Variants in REST observed in about 807,000 individuals in gnomAD.
REST encodes the protein RE1 silencing transcription factor.
Under a neutral mutation model 30.4 loss-of-function variants are expected in REST, and 1 was observed. The observed-to-expected ratio is 0.03, with a 90% CI of 0.01 to 0.16. REST has a LOEUF of 0.16. REST is among the 10% of genes least tolerant of loss of function. The pLI, the probability that REST is intolerant of heterozygous loss-of-function variation, is 1.00. For missense variants in REST, 1,259 were observed against 1,329.5 expected, an observed-to-expected ratio of 0.95 and a Z score of 0.82; for synonymous variants, 504 against 451.1, an observed-to-expected ratio of 1.12 and a Z score of -1.49.
At chr4:56,911,939 G>A (rs548739365) in intron 2 of REST, among the ~76,000 whole-genome samples, 2 of 152,226 alleles carry the variant, frequency 1.3e-5, no homozygotes, top group South Asian at 2.1e-4. Flanking sequence ...TCTGGGAAAC[G>A]TGGAAAGACC....
intron 2 of REST, 34 bp downstream of exon 2, chr4:56,911,570 C>G: frequency 6.5e-7 from 1 of 1,543,758 alleles, no homozygotes; most frequent in Non-Finnish European, 8.9e-7. Context: ...AAGTTCAGTT[C>G]TCTTTTCTGA....
chr4:56,924,717 C>T (rs1001359691), intron 3 of REST, among the ~76,000 whole-genome samples: 1 of 151,998 alleles, frequency 6.6e-6, no homozygotes, highest in Non-Finnish European at 1.5e-5. Context: ...CTTGCCTCAC[C>T]CTACCAAAGT....
At position 56,919,746 on chromosome 4, in the gene REST, T is replaced by A. The variant is rs776129363; in HGVS notation, c.899-41T>A. On this transcript the variant is annotated intron_variant, in intron 2 of 3. Coordinates refer to ENST00000309042, the MANE Select transcript of REST (RefSeq NM_005612.5). ...TTAGTGAGAATTGTATTTGGCTATTTCGTGACATTTAAACACTCTTATATT... is the reference window on the plus strand; with the variant it reads ...TTAGTGAGAATTGTATTTGGCTATTACGTGACATTTAAACACTCTTATATT... 19 of 1,219,846 alleles carry A rather than the reference T, an allele frequency of 1.6e-5. No homozygotes were observed. In the East Asian group the frequency reaches 4.0e-4, roughly 25 times the overall value. The allele number at this position is 1,219,846 out of a possible 1,614,324, so 75.6% of individuals were successfully genotyped here. A position where few individuals can be genotyped will look rare whatever the true frequency, so the allele number is the denominator to read the frequency against.
chr4:56,933,121 ACAG>A lies in REST; in HGVS notation c.*971_*973del, dbSNP rs1424629882. On this transcript the variant is annotated 3_prime_UTR_variant, in exon 4 of 4. Transcript: ENST00000309042. ...TATTTCGAATGGATGTAGTAAATTC[ACAG>A]CTATCAGTTTTGATTTTGCAATAAA... 207 of 152,332 alleles carry A rather than the reference ACAG, an allele frequency of 1.4e-3. No individual in the cohort carries two copies. Among genetic ancestry groups the A allele is most frequent in the African/African-American group, 3.8e-3 (158 of 41,578 alleles). 9.4% of individuals were successfully genotyped at this position (152,332 alleles called of 1,614,324 possible).
chr4:56,915,157 A>C (rs1374117235), intron 2 of REST, among the ~76,000 whole-genome samples: 1 of 148,052 alleles, frequency 6.8e-6, no homozygotes, highest in Non-Finnish European at 1.5e-5. Flanking sequence ...TCCCGGCCTC[A>C]AGTGATCCAC....
Position 56,929,831 on chromosome 4 carries a change from T to G in REST, c.983-10T>G. ...CTATGTCTTCTCTCATACTTTTGAT[T>G]TGCCTTCAGGTGAGAAGCCATTTAA... On this transcript the variant is annotated splice_polypyrimidine_tract_variant and intron_variant, in intron 3 of 3. Coordinates refer to ENST00000309042, the MANE Select transcript of REST (RefSeq NM_005612.5). 6.3e-7 allele frequency: 1 copy of G among 1,577,286 alleles called. No individual in the cohort carries two copies. The highest frequency in any genetic ancestry group is 8.6e-7 in the Non-Finnish European group (1 of 1,163,770).
intron 2 of REST, among the ~76,000 whole-genome samples, chr4:56,912,268 G>T (rs1386979093): frequency 6.6e-6 from 1 of 150,576 alleles, no homozygotes; most frequent in African/African-American, 2.4e-5. Flanking sequence ...TGTAGAAAAT[G>T]TATTTTTCAG....
rs547714524 is a variant in REST at position 56,913,458 on chromosome 4, C to A, written c.898+1922C>A. ...TTGGTAAGAATTGGTACATTTGGGT[C>A]CTGATGAATGGATAGAGAATAATCC... On this transcript the variant is annotated intron_variant, in intron 2 of 3. Coordinates refer to ENST00000309042, the MANE Select transcript of REST (RefSeq NM_005612.5). Among the ~76,000 whole-genome samples, 71 of 152,116 alleles carry A rather than the reference C, an allele frequency of 4.7e-4. 1 individual carries two copies. The highest frequency in any genetic ancestry group is 6.8e-3 in the Middle Eastern group (2 of 294).
At chr4:56,923,215 G>A (rs554279563) in intron 3 of REST, among the ~76,000 whole-genome samples, 6 of 152,300 alleles carry the variant, frequency 3.9e-5, no homozygotes, top group East Asian at 1.9e-4. Flanking sequence ...TTAGTACTAC[G>A]AAGATACTGA....
chr4:56,924,060 G>A (rs1288097473), intron 3 of REST, among the ~76,000 whole-genome samples: 1 of 152,022 alleles, frequency 6.6e-6, no homozygotes, highest in Non-Finnish European at 1.5e-5. Context: ...GTCTTGCTGT[G>A]TTGCCCAGGC....
In REST at chr4:56,932,418, AT is replaced by A. The variant is rs1721008441; in HGVS notation, c.*270del. 2 of 304,192 alleles carry A rather than the reference AT, an allele frequency of 6.6e-6. No individual in the cohort carries two copies. The highest frequency in any genetic ancestry group is 1.2e-4 in the East Asian group (2 of 17,328). The allele number at this position is 304,192 out of a possible 1,614,324, so 18.8% of individuals were successfully genotyped here. On this transcript the variant is annotated 3_prime_UTR_variant, in exon 4 of 4. Coordinates refer to ENST00000309042, the MANE Select transcript of REST (RefSeq NM_005612.5). ...TAGAAGGCTAAGATGGTATAACAGCATTTTATTGCTTTGTCCAGCTACAACT... is the reference window on the plus strand; with the variant it reads ...TAGAAGGCTAAGATGGTATAACAGCATTTATTGCTTTGTCCAGCTACAACT...
At position 56,934,884 on chromosome 4, in the gene REST, A is replaced by G. The variant is rs749048078; in HGVS notation, c.*2732A>G. 1.2e-4 allele frequency: 18 copies of G among 152,038 alleles called. No individual in the cohort carries two copies. Among genetic ancestry groups the G allele is most frequent in the South Asian group, 2.1e-4 (1 of 4,832 alleles). 9.4% of individuals were successfully genotyped at this position (152,038 alleles called of 1,614,324 possible). On this transcript the variant is annotated 3_prime_UTR_variant, in exon 4 of 4. Coordinates refer to ENST00000309042, the MANE Select transcript of REST (RefSeq NM_005612.5). ...TCTTATGAAAATGAATCTCTTAACT[A>G]TCTTTTGAACCTGTATTCACATTGG...
chr4:56,912,027 G>A lies in REST; in HGVS notation c.898+491G>A, dbSNP rs181482496. Among the ~76,000 whole-genome samples the A allele has an allele frequency of 3.8e-3, 575 of 152,332 alleles. 2 individuals carry two copies. The highest frequency in any genetic ancestry group is 0.013 in the African/African-American group (546 of 41,574). ...ACAGTGAACACATTTAAGATGCAGTGTAGTTTCTGAAAGAAATTGAGGGCT... is the reference window on the plus strand; with the variant it reads ...ACAGTGAACACATTTAAGATGCAGTATAGTTTCTGAAAGAAATTGAGGGCT... On this transcript the variant is annotated intron_variant, in intron 2 of 3. Coordinates refer to ENST00000309042, the MANE Select transcript of REST (RefSeq NM_005612.5).
At chr4:56,922,981 T>C (rs1370574618) in intron 3 of REST, among the ~76,000 whole-genome samples, 1 of 152,268 alleles carries the variant, frequency 6.6e-6, no homozygotes, top group African/African-American at 2.4e-5. Context: ...TGTCACTGTT[T>C]AAATGTTTAT....
intron 2 of REST, among the ~76,000 whole-genome samples, chr4:56,919,416 A>G (rs1720349503): frequency 6.6e-6 from 1 of 152,196 alleles, no homozygotes; most frequent in South Asian, 2.1e-4. Context: ...AGCATCAGAC[A>G]GTTCAGGTAG....
intron 3 of REST, among the ~76,000 whole-genome samples, chr4:56,929,399 T>C (rs1417418053): frequency 1.3e-5 from 2 of 152,200 alleles, no homozygotes; most frequent in Non-Finnish European, 2.9e-5. Flanking sequence ...GCAGTCCTTC[T>C]GCCATGGCCT....
chr4:56,911,140 G>A lies in REST; in HGVS notation c.502G>A (p.Ala168Thr). 6.2e-7 allele frequency: 1 copy of A among 1,614,190 alleles called. No homozygotes were observed. Among genetic ancestry groups the A allele is most frequent in the Admixed American group, 1.7e-5 (1 of 60,014 alleles). ...TCGCTGTAAGCCATGCCAATATGAA[G>A]CAGAATCTGAAGAACAGTTTGTGCA... ...PFRCKPCQYE[A>T]ESEEQFVHHI... The change falls in exon 2 of 4, where the codon GCA becomes ACA. Residue 168 changes from alanine (A) to threonine (T), a missense_variant. By Grantham distance (58) the Ala-to-Thr change is moderately conservative. Coordinates refer to ENST00000309042, the MANE Select transcript of REST (RefSeq NM_005612.5).
chr4:56,919,863 T>C lies in REST; in HGVS notation c.975T>C (p.Thr325=). Residue 325 remains threonine, a synonymous_variant, in exon 3 of 4, where the codon ACT becomes ACC. Coordinates refer to ENST00000309042, the MANE Select transcript of REST (RefSeq NM_005612.5). ...CTCATCTAACTAGACATATGCGTACTCATTCAGGTTGGTAAGAAATTGGAA... is the reference window on the plus strand; with the variant it reads ...CTCATCTAACTAGACATATGCGTACCCATTCAGGTTGGTAAGAAATTGGAA... The part of the protein sequence containing the change: ...QKTHLTRHMR[T]HSGEKPFKCD... 6.4e-7 allele frequency: 1 copy of C among 1,556,590 alleles called. No individual in the cohort carries two copies. Among genetic ancestry groups the C allele is most frequent in the Non-Finnish European group, 8.8e-7 (1 of 1,142,530 alleles).
At chr4:56,914,756 G>T (rs990504009) in intron 2 of REST, among the ~76,000 whole-genome samples, 6 of 151,992 alleles carry the variant, frequency 3.9e-5, no homozygotes, top group Non-Finnish European at 4.4e-5. Flanking sequence ...GTTTCACCGT[G>T]TTGGCCAGGC....
Sources: allele counts gnomAD v4.1 joint callset (sites outside exome capture counted in the v4.1 genomes callset), GRCh38; gene constraint gnomAD v4.1.1; transcripts MANE v1.5; gene names NCBI Gene and HGNC (gene_info 2026-07-23, HGNC 2026-07-21).